Variants in STK32A observed in about 807,000 individuals in gnomAD.
The protein encoded by STK32A is serine/threonine kinase 32A.
STK32A carries 41 observed loss-of-function variants against 53.2 expected under a neutral mutation model. The ratio of observed to expected loss-of-function variants is 0.77; its 90% confidence interval spans 0.60 to 1.00. The LOEUF (loss-of-function observed/expected upper bound fraction) is 1.00, where lower values mean the gene tolerates loss of function less well. Among genes scored for constraint, STK32A ranks in the 50% least tolerant of loss-of-function variants. STK32A has a pLI of 0.00. For synonymous variants in STK32A, 166 were observed against 162.8 expected (o/e 1.02, Z -0.15); for missense variants, 458 against 485.8 (o/e 0.94, Z 0.54).
At chr5:147,257,612 C>T (rs1754292589) in intron 2 of STK32A, among the ~76,000 whole-genome samples, 1 of 152,006 alleles carries the variant, frequency 6.6e-6, no homozygotes. Context: ...GGGGGCAGCG[C>T]TTTCTTGACT....
chr5:147,306,027 A>G (rs1285287825), intron 4 of STK32A, among the ~76,000 whole-genome samples: 1 of 151,930 alleles, frequency 6.6e-6, no homozygotes, highest in Non-Finnish European at 1.5e-5. Flanking sequence ...TTTAGCTGGC[A>G]AACAATTTTC....
At chr5:147,242,995 C>T (rs763595942) in intron 2 of STK32A, among the ~76,000 whole-genome samples, 2 of 152,080 alleles carry the variant, frequency 1.3e-5, no homozygotes, top group Non-Finnish European at 2.9e-5. Flanking sequence ...TTTTTATATA[C>T]ATAATCATAA....
the STK32A span, chr5:147,394,194 A>G: frequency 6.7e-6 from 10 of 1,496,646 alleles, no homozygotes; most frequent in Admixed American, 1.2e-4. Context: ...TGGGCAAGAG[A>G]GAAACTGGGT....
chr5:147,397,960 A>G, the STK32A span: 1 of 1,115,968 alleles, frequency 9.0e-7, no homozygotes, highest in South Asian at 1.9e-5. Flanking sequence ...AAGCCAGGAA[A>G]AGCTCACCAT....
chr5:147,241,217 G>A (rs560428215), intron 2 of STK32A, among the ~76,000 whole-genome samples: 5 of 152,316 alleles, frequency 3.3e-5, no homozygotes, highest in East Asian at 1.9e-4. Flanking sequence ...GGTGGCTCAC[G>A]CCTGTAATCC....
chr5:147,339,722 G>C (rs560405123), intron 5 of STK32A, among the ~76,000 whole-genome samples: 1 of 152,386 alleles, frequency 6.6e-6, no homozygotes, highest in East Asian at 1.9e-4. Context: ...GTGAGACATG[G>C]AGTCAAAGAT....
intron 4 of STK32A, among the ~76,000 whole-genome samples, chr5:147,314,595 G>T (rs1385703457): frequency 1.3e-5 from 2 of 150,392 alleles, no homozygotes. Flanking sequence ...ATTTAAAAAT[G>T]GATAAAGAAT....
At chr5:147,366,401 G>A (rs2152001023) in intron 8 of STK32A, among the ~76,000 whole-genome samples, 1 of 152,214 alleles carries the variant, frequency 6.6e-6, no homozygotes, top group East Asian at 1.9e-4. Context: ...AATCTTTATA[G>A]CCAAGTATTT....
intron 2 of STK32A, among the ~76,000 whole-genome samples, chr5:147,262,249 T>C (rs1754605639): frequency 1.3e-5 from 2 of 152,122 alleles, no homozygotes; most frequent in Admixed American, 1.3e-4. Context: ...AGAGTGAGCT[T>C]TACCCTTCAT....
Position 147,386,411 on chromosome 5 carries a change from T to C in STK32A, c.*2428T>C, listed in dbSNP as rs1757644846. 6.6e-6 allele frequency: 1 copy of C among 152,188 alleles called. No individual in the cohort carries two copies. The highest frequency in any genetic ancestry group is 2.4e-5 in the African/African-American group (1 of 41,440). 9.4% of individuals were successfully genotyped at this position (152,188 alleles called of 1,614,324 possible). ...GGACTCACCTCCCTAAGTAACCAGGTTCCTCCTCTCGCTGCAACCTTGTTT... is the reference window on the plus strand; with the variant it reads ...GGACTCACCTCCCTAAGTAACCAGGCTCCTCCTCTCGCTGCAACCTTGTTT... On this transcript the variant is annotated 3_prime_UTR_variant, in exon 13 of 13. Coordinates refer to ENST00000397936, the MANE Select transcript of STK32A (RefSeq NM_001112724.2).
intron 2 of STK32A, among the ~76,000 whole-genome samples, chr5:147,267,585 T>C (rs936263741): frequency 6.6e-6 from 1 of 152,170 alleles, no homozygotes; most frequent in South Asian, 2.1e-4. Flanking sequence ...TGCTACTTAA[T>C]AGACAGTAAT....
At position 147,370,712 on chromosome 5, in the gene STK32A, C is replaced by A. The variant is rs763346990; in HGVS notation, c.719C>A (p.Thr240Lys). 2 of 1,612,518 alleles carry A rather than the reference C, an allele frequency of 1.2e-6. No homozygotes were observed. Among genetic ancestry groups the A allele is most frequent in the South Asian group, 2.2e-5 (2 of 91,010 alleles). Residue 240 changes from threonine (T) to lysine (K), a missense_variant, in exon 9 of 13, where the codon ACG becomes AAG. Transcript: ENST00000397936. ...SSKEIVHTFE[T>K]TVVTYPSAWS... Reference sequence around the variant, plus strand: ...AAGGAAATTGTACACACGTTTGAGACGACTGTTGTAACTTACCCTTCTGCC... The same window carrying A: ...AAGGAAATTGTACACACGTTTGAGAAGACTGTTGTAACTTACCCTTCTGCC...
At chr5:147,347,385 C>T (rs1755741290) in intron 6 of STK32A, among the ~76,000 whole-genome samples, 1 of 151,836 alleles carries the variant, frequency 6.6e-6, no homozygotes, top group Non-Finnish European at 1.5e-5. Flanking sequence ...GAGGCTTGCA[C>T]CTGAAAAACT....
In STK32A at chr5:147,384,423, C is replaced by T. The variant is rs146136464; in HGVS notation, c.*440C>T. The T allele has an allele frequency of 0.018, 27,009 of 1,533,768 alleles. 341 individuals carry two copies. Among genetic ancestry groups the T allele is most frequent in the Middle Eastern group, 0.032 (188 of 5,966 alleles). The stretch of plus-strand genomic sequence containing the variant: ...GGACTCAGTGAGACTTTTCAGACCT[C>T]GAAAGTTTCATAAAGTGGTCAGAAT... On this transcript the variant is annotated 3_prime_UTR_variant, in exon 13 of 13. Coordinates refer to ENST00000397936, the MANE Select transcript of STK32A (RefSeq NM_001112724.2).
At chr5:147,394,105 C>T in the STK32A span, 2 of 1,614,018 alleles carry the variant, frequency 1.2e-6, no homozygotes, top group African/African-American at 1.3e-5. Context: ...TGAGCGAACC[C>T]CCTCATCCAC....
At chr5:147,281,067 A>G (rs986982955) in intron 4 of STK32A, among the ~76,000 whole-genome samples, 2 of 151,472 alleles carry the variant, frequency 1.3e-5, no homozygotes, top group African/African-American at 4.9e-5. Flanking sequence ...ACAAGAAACC[A>G]TATCCATAGG....
intron 7 of STK32A, among the ~76,000 whole-genome samples, chr5:147,356,469 A>G (rs1756243708): frequency 1.3e-5 from 2 of 152,170 alleles, no homozygotes; most frequent in Non-Finnish European, 2.9e-5. Flanking sequence ...CTGAAAGGTT[A>G]AGAAACTTGT....
intron 5 of STK32A, among the ~76,000 whole-genome samples, chr5:147,341,010 A>G (rs987327566): frequency 2.0e-5 from 3 of 152,358 alleles, no homozygotes; most frequent in East Asian, 1.9e-4. Context: ...AGTTAACACA[A>G]TGATGTATGG....
At chr5:147,255,733 C>T (rs530109869) in intron 2 of STK32A, among the ~76,000 whole-genome samples, 4 of 152,338 alleles carry the variant, frequency 2.6e-5, no homozygotes, top group African/African-American at 9.6e-5. Flanking sequence ...CCCCTAATTG[C>T]TCAGCTATTC....
Sources: gnomAD v4.1 joint callset for allele counts (sites outside exome capture counted in the v4.1 genomes callset) on GRCh38, gnomAD v4.1.1 for gene constraint, MANE v1.5 for transcripts, NCBI Gene and HGNC (gene_info 2026-07-23, HGNC 2026-07-21) for gene names.